GPC5: variants seen among roughly 807,000 people sequenced by gnomAD.
The protein encoded by GPC5 is glypican-5.
In GPC5, 47 loss-of-function variants were observed where a neutral mutation model predicts 53.9. The observed-to-expected ratio is 0.87, with a 90% CI of 0.69 to 1.11. The LOEUF (loss-of-function observed/expected upper bound fraction) is 1.11, where lower values mean the gene tolerates loss of function less well. Among genes scored for constraint, GPC5 ranks in the 50% most tolerant of loss-of-function variants. GPC5 has a pLI of 0.00. For synonymous variants in GPC5, 286 were observed against 263.3 expected (o/e 1.09, Z -0.84); for missense variants, 748 against 713.1 (o/e 1.05, Z -0.56).
chr13:91,938,949 T>C (rs1031234819), intron 6 of GPC5, among the ~76,000 whole-genome samples: 8 of 152,092 alleles, frequency 5.3e-5, no homozygotes, highest in African/African-American at 1.4e-4. Context: ...TTTATAAATA[T>C]GCAAAAATGT....
intron 2 of GPC5, among the ~76,000 whole-genome samples, chr13:91,628,009 AC>A (rs553206347): frequency 4.0e-4 from 61 of 152,280 alleles, no homozygotes; most frequent in African/African-American, 1.3e-3. Flanking sequence ...AGTATAATTT[AC>A]AAAATTTTAA....
Position 92,100,602 on chromosome 13 carries a change from ATTGC to A in GPC5, c.1402-44226_1402-44223del, listed in dbSNP as rs989453327. Reference sequence around the variant, plus strand: ...CTTGTAATTAGTTTTCTTTGAATTGATTGCTCATATTCTCATGTCCTGGGTGACA... The same window carrying A: ...CTTGTAATTAGTTTTCTTTGAATTGATCATATTCTCATGTCCTGGGTGACA... On this transcript the variant is annotated intron_variant, in intron 6 of 7. Coordinates refer to ENST00000377067, the MANE Select transcript of GPC5 (RefSeq NM_004466.6). Among the ~76,000 whole-genome samples, 13 of 152,172 alleles carry A rather than the reference ATTGC, an allele frequency of 8.5e-5. No homozygotes were observed. The South Asian group carries it at 1.7e-3, about 19-fold the overall frequency.
At chr13:91,707,610 G>C (rs2036135141) in intron 3 of GPC5, among the ~76,000 whole-genome samples, 1 of 152,100 alleles carries the variant, frequency 6.6e-6, no homozygotes, top group South Asian at 2.1e-4. Flanking sequence ...GACAGAGCAA[G>C]GCCCTGTCTC....
intron 6 of GPC5, among the ~76,000 whole-genome samples, chr13:92,020,203 C>T (rs1238667782): frequency 6.6e-6 from 1 of 152,052 alleles, no homozygotes; most frequent in African/African-American, 2.4e-5. Flanking sequence ...CTTGTAATTT[C>T]ACCAGCTGTA....
intron 6 of GPC5, among the ~76,000 whole-genome samples, chr13:92,064,342 C>T (rs997774825): frequency 6.6e-6 from 1 of 152,142 alleles, no homozygotes; most frequent in African/African-American, 2.4e-5. Context: ...ATATCTGGGT[C>T]GCCCCCTAGA....
intron 6 of GPC5, among the ~76,000 whole-genome samples, chr13:92,116,495 G>A (rs2041603076): frequency 6.6e-6 from 1 of 152,298 alleles, no homozygotes; most frequent in South Asian, 2.1e-4. Context: ...AATATACCGT[G>A]TTTGTTTATT....
chr13:92,642,125 C>A (rs1290357476), intron 7 of GPC5, among the ~76,000 whole-genome samples: 3 of 152,190 alleles, frequency 2.0e-5, no homozygotes, highest in Non-Finnish European at 4.4e-5. Flanking sequence ...GGCAATGACA[C>A]TATTTCTGGT....
intron 2 of GPC5, among the ~76,000 whole-genome samples, chr13:91,577,196 C>T (rs2032170716): frequency 6.6e-6 from 1 of 152,144 alleles, no homozygotes. Flanking sequence ...TTCCTTTTAG[C>T]CGCTTAGCTG....
At chr13:92,458,720 G>T (rs527907184) in intron 7 of GPC5, among the ~76,000 whole-genome samples, 147 of 152,218 alleles carry the variant, frequency 9.7e-4, no homozygotes, top group African/African-American at 3.4e-3. Context: ...TTTCTGTTTT[G>T]AATCAGAGCT....
chr13:91,849,019 C>T (rs530348412), intron 5 of GPC5, among the ~76,000 whole-genome samples: 1 of 152,258 alleles, frequency 6.6e-6, no homozygotes, highest in South Asian at 2.1e-4. Context: ...GAGGGCAGAT[C>T]GACAACTGCC....
intron 6 of GPC5, among the ~76,000 whole-genome samples, chr13:92,031,526 C>T (rs181489003): frequency 3.3e-5 from 5 of 150,476 alleles, no homozygotes; most frequent in East Asian, 2.0e-4. Flanking sequence ...CCCTTTTCAC[C>T]GCATCCACAC....
chr13:92,231,706 G>T (rs1478141836), intron 7 of GPC5, among the ~76,000 whole-genome samples: 3 of 152,030 alleles, frequency 2.0e-5, no homozygotes, highest in Non-Finnish European at 4.4e-5. Context: ...GGTGGCTTAC[G>T]CCTGTAATCC....
chr13:91,713,948 C>G (rs1254294946), intron 3 of GPC5, among the ~76,000 whole-genome samples: 1 of 152,114 alleles, frequency 6.6e-6, no homozygotes, highest in African/African-American at 2.4e-5. Flanking sequence ...TCCAGTCTCC[C>G]TCTCTCCTCC....
At chr13:92,590,226 A>G (rs1883671230) in intron 7 of GPC5, among the ~76,000 whole-genome samples, 1 of 152,140 alleles carries the variant, frequency 6.6e-6, no homozygotes, top group Non-Finnish European at 1.5e-5. Context: ...TGAAATACAG[A>G]AAGCTAGGGG....
intron 7 of GPC5, among the ~76,000 whole-genome samples, chr13:92,253,393 C>G (rs761917012): frequency 2.0e-5 from 3 of 150,370 alleles, no homozygotes; most frequent in Non-Finnish European, 4.4e-5. Flanking sequence ...CTGTCTGGGA[C>G]TTTATTTAAG....
At chr13:91,543,237 T>C (rs1437203125) in intron 2 of GPC5, among the ~76,000 whole-genome samples, 1 of 151,926 alleles carries the variant, frequency 6.6e-6, no homozygotes, top group Non-Finnish European at 1.5e-5. Context: ...AGGTGATCCA[T>C]GCGCCTTGGC....
intron 7 of GPC5, among the ~76,000 whole-genome samples, chr13:92,208,590 T>A (rs961569309): frequency 6.6e-6 from 1 of 152,220 alleles, no homozygotes; most frequent in South Asian, 2.1e-4. Flanking sequence ...GGATAGAATA[T>A]GCAAAAACTA....
intron 7 of GPC5, among the ~76,000 whole-genome samples, chr13:92,804,022 C>G (rs1452065229): frequency 6.6e-6 from 1 of 150,968 alleles, no homozygotes; most frequent in Non-Finnish European, 1.5e-5. Flanking sequence ...AACTCAGATT[C>G]TCCTAACTGA....
intron 7 of GPC5, among the ~76,000 whole-genome samples, chr13:92,831,145 C>T (rs748884227): frequency 3.7e-4 from 56 of 152,142 alleles, no homozygotes; most frequent in Non-Finnish European, 7.5e-4. Context: ...TATACAAAGT[C>T]GTATTCATGG....
Sources: allele counts gnomAD v4.1 joint callset (sites outside exome capture counted in the v4.1 genomes callset), GRCh38; gene constraint gnomAD v4.1.1; transcripts MANE v1.5; gene names NCBI Gene and HGNC (gene_info 2026-07-23, HGNC 2026-07-21).